The following RAB27B variants were observed in gnomAD, a reference collection of about 807,000 sequenced individuals.
The protein encoded by RAB27B is RAB27B, member RAS oncogene family.
Under a neutral mutation model 24.6 loss-of-function variants are expected in RAB27B, and 15 were observed. The ratio of observed to expected loss-of-function variants is 0.61; its 90% CI spans 0.41 to 0.94. RAB27B has a LOEUF of 0.94. Among genes scored for constraint, RAB27B ranks in the 40% least tolerant of loss-of-function variants. The pLI is 0.00. For synonymous variants in RAB27B, 105 were observed against 92.5 expected (o/e 1.14, Z -0.78); for missense variants, 261 against 266.8 (o/e 0.98, Z 0.15).
chr18:54,882,903 T>C (rs553221206), intron 3 of RAB27B, among the ~76,000 whole-genome samples: 1 of 152,024 alleles, frequency 6.6e-6, no homozygotes, highest in Non-Finnish European at 1.5e-5. Context: ...GGAGTGGTGA[T>C]AGGAGTAGGG....
intron 2 of RAB27B, among the ~76,000 whole-genome samples, chr18:54,781,040 C>T (rs1183656203): frequency 6.6e-6 from 1 of 152,166 alleles, no homozygotes; most frequent in Non-Finnish European, 1.5e-5. Flanking sequence ...GTCTCTTCCA[C>T]CCACTGGGTG....
chr18:54,861,250 T>C (rs549849428), intron 1 of RAB27B, among the ~76,000 whole-genome samples: 26 of 152,336 alleles, frequency 1.7e-4, no homozygotes, highest in Admixed American at 1.6e-3. Context: ...TCAGAAAACT[T>C]AGTAAATCAT....
intron 1 of RAB27B, among the ~76,000 whole-genome samples, chr18:54,844,408 C>CTAT (rs1482625848): frequency 3.7e-5 from 4 of 107,880 alleles, no homozygotes; most frequent in Non-Finnish European, 7.7e-5. Flanking sequence ...CTTTTCTTTT[C>CTAT]TTTTTTTTTT....
intron 4 of RAB27B, among the ~76,000 whole-genome samples, chr18:54,885,171 T>G (rs959245692): frequency 6.6e-6 from 1 of 152,224 alleles, no homozygotes; most frequent in Non-Finnish European, 1.5e-5. Context: ...TTTGTATTTT[T>G]TATTACAAAT....
intron 1 of RAB27B, among the ~76,000 whole-genome samples, chr18:54,875,125 C>T (rs2145266669): frequency 6.6e-6 from 1 of 152,214 alleles, no homozygotes; most frequent in East Asian, 1.9e-4. Flanking sequence ...GAGTTTGAAA[C>T]CAGCCTGGGC....
chr18:54,792,090 AG>A (rs1909265822), intron 2 of RAB27B, among the ~76,000 whole-genome samples: 1 of 152,166 alleles, frequency 6.6e-6, no homozygotes, highest in South Asian at 2.1e-4. Context: ...GACAAGGTAG[AG>A]GGTCTAATTG....
intron 2 of RAB27B, among the ~76,000 whole-genome samples, chr18:54,731,994 A>C (rs1223744789): frequency 2.6e-5 from 4 of 152,324 alleles, no homozygotes; most frequent in African/African-American, 9.6e-5. Flanking sequence ...ATTTTATTTC[A>C]GATCTTTAGC....
chr18:54,773,996 C>T (rs543640505), intron 2 of RAB27B, among the ~76,000 whole-genome samples: 1 of 152,064 alleles, frequency 6.6e-6, no homozygotes, highest in Admixed American at 6.5e-5. Flanking sequence ...CTACTTTCTA[C>T]CACCAGAATA....
chr18:54,866,739 C>A (rs1286528380), intron 1 of RAB27B, among the ~76,000 whole-genome samples: 3 of 152,168 alleles, frequency 2.0e-5, no homozygotes, highest in African/African-American at 4.8e-5. Flanking sequence ...GACCTGTGGC[C>A]AGTTTATGCC....
chr18:54,819,510 C>T lies in RAB27B; in HGVS notation c.-19-58057C>T, dbSNP rs1382496616. ...TCACAGCACTGCACTCCAGCGTGGG[C>T]GACAGAACAAGACTCCATCTCAAAA... On this transcript the variant is annotated intron_variant, in intron 2 of 4. Transcript: ENST00000586570. Among the ~76,000 whole-genome samples the T allele has an allele frequency of 2.3e-4, 23 of 100,354 alleles. 1 individual carries two copies. Among genetic ancestry groups the T allele is most frequent in the Admixed American group, 1.6e-3 (11 of 7,086 alleles). The allele number at this position is 100,354 out of a possible 152,430, so 65.8% of individuals were successfully genotyped here.
At chr18:54,883,731 C>A (rs529888086) in intron 3 of RAB27B, among the ~76,000 whole-genome samples, 4 of 152,088 alleles carry the variant, frequency 2.6e-5, no homozygotes, top group Non-Finnish European at 4.4e-5. Context: ...TCTGTCCTGA[C>A]CCCCACTCAG....
rs1913414953 is a variant in RAB27B, at chr18:54,892,669, C to T, written c.*3256C>T. ...CGCCAAGAGTTGAGCCTGTGGGTCT[C>T]TCCATAAGAGTTTTAAAACTCTTGC... On this transcript the variant is annotated 3_prime_UTR_variant, in exon 6 of 6. Coordinates refer to ENST00000262094, the MANE Select transcript of RAB27B (RefSeq NM_004163.4). 1 of 152,052 alleles carries T rather than the reference C, an allele frequency of 6.6e-6. No individual in the cohort carries two copies. Among genetic ancestry groups the T allele is most frequent in the African/African-American group, 2.4e-5 (1 of 41,436 alleles). The allele number at this position is 152,052 out of a possible 1,614,324, so 9.4% of individuals were successfully genotyped here.
chr18:54,763,295 G>A (rs1008056194), intron 2 of RAB27B, among the ~76,000 whole-genome samples: 1 of 151,956 alleles, frequency 6.6e-6, no homozygotes, highest in African/African-American at 2.4e-5. Flanking sequence ...TTATATATAT[G>A]TCTATGTGTT....
rs1166733155 is a variant in RAB27B, at chr18:54,811,592, G to A, written c.-19-65975G>A. Among the ~76,000 whole-genome samples, 2 of 152,168 alleles carry A rather than the reference G, an allele frequency of 1.3e-5. 1 individual carries two copies. On this transcript the variant is annotated intron_variant, in intron 2 of 4. Transcript: ENST00000586570. The stretch of plus-strand genomic sequence containing the variant: ...TCTGCATTTTTACATAAACAGTAGG[G>A]CAGAGGAAGCAATCAGATATGCATT...
intron 2 of RAB27B, among the ~76,000 whole-genome samples, chr18:54,788,724 A>G (rs1909164971): frequency 6.6e-6 from 1 of 152,256 alleles, no homozygotes; most frequent in Admixed American, 6.5e-5. Context: ...AGAATAAAGG[A>G]TAATAATACT....
intron 2 of RAB27B, among the ~76,000 whole-genome samples, chr18:54,785,928 A>C (rs1013967212): frequency 2.0e-5 from 3 of 152,212 alleles, no homozygotes; most frequent in Admixed American, 6.5e-5. Context: ...CAAAAAGGGA[A>C]ATATTGTCCA....
chr18:54,748,810 T>G (rs1190416312), intron 2 of RAB27B, among the ~76,000 whole-genome samples: 1 of 152,218 alleles, frequency 6.6e-6, no homozygotes, highest in Non-Finnish European at 1.5e-5. Context: ...TTTTAATGCA[T>G]GTGTGGACAC....
At chr18:54,873,697 G>GTA (rs925828535) in intron 1 of RAB27B, among the ~76,000 whole-genome samples, 2 of 142,890 alleles carry the variant, frequency 1.4e-5, no homozygotes, top group Non-Finnish European at 3.1e-5. Flanking sequence ...GTGTGTGTGT[G>GTA]TGTGTGTGTG....
intron 1 of RAB27B, among the ~76,000 whole-genome samples, chr18:54,855,809 C>T (rs1012404089): frequency 6.6e-6 from 1 of 152,194 alleles, no homozygotes; most frequent in African/African-American, 2.4e-5. Flanking sequence ...ATTCAACATA[C>T]AAGGTACCTT....
Sources: gnomAD v4.1 joint callset for allele counts (sites outside exome capture counted in the v4.1 genomes callset) on GRCh38, gnomAD v4.1.1 for gene constraint, MANE v1.5 for transcripts, NCBI Gene and HGNC (gene_info 2026-07-23, HGNC 2026-07-21) for gene names.